The following MYADM variants were observed in gnomAD, a reference collection of about 807,000 sequenced individuals.
MYADM encodes the protein myeloid-associated differentiation marker.
For synonymous variants in MYADM, 224 were observed against 210.2 expected (o/e 1.07, Z -0.57); for missense variants, 416 against 443.4 (o/e 0.94, Z 0.56).
rs952383653 is a variant in MYADM at position 53,874,513 on chromosome 19, G to T, written c.*15G>T. 1 of 1,565,164 alleles carries T rather than the reference G, an allele frequency of 6.4e-7. No individual in the cohort carries two copies. Among genetic ancestry groups the T allele is most frequent in the Non-Finnish European group, 8.7e-7 (1 of 1,155,784 alleles). On this transcript the variant is annotated 3_prime_UTR_variant, in exon 3 of 3. Coordinates refer to ENST00000391770, the MANE Select transcript of MYADM (RefSeq NM_138373.5). ...TCAAGGTCTAAGACTCTCCCAAGAG[G>T]CTCCCGTTCCCTCTCCAACCTCTTT... is the stretch of plus-strand genomic sequence containing the variant.
At position 53,875,772 on chromosome 19, in the gene MYADM, C is replaced by T. The variant is rs1184640235; in HGVS notation, c.*1274C>T. On this transcript the variant is annotated 3_prime_UTR_variant, in exon 3 of 3. Coordinates refer to ENST00000391770, the MANE Select transcript of MYADM (RefSeq NM_138373.5). Reference sequence around the variant, plus strand: ...GACTGAGACAGGAGAATCCCTTCAACCCGGGAGGTGGAGGTTGCAGTAAGT... The same window carrying T: ...GACTGAGACAGGAGAATCCCTTCAATCCGGGAGGTGGAGGTTGCAGTAAGT... 3.2e-5 allele frequency: 5 copies of T among 156,284 alleles called. No homozygotes were observed. The highest frequency in any genetic ancestry group is 1.5e-5 in the Non-Finnish European group (1 of 68,050). 9.7% of individuals were successfully genotyped at this position (156,284 alleles called of 1,614,324 possible).
At chr19:53,867,779 G>T, upstream of MYADM, 1 of 152,762 alleles carries the variant, frequency 6.5e-6, no homozygotes. Context: ...CCCAGACTCG[G>T]GGAAGTCCCT....
chr19:53,871,067 C>A (rs1040620806), intron 2 of MYADM, among the ~76,000 whole-genome samples: 1 of 152,146 alleles, frequency 6.6e-6, no homozygotes, highest in Non-Finnish European at 1.5e-5. Context: ...CCCATCTCTA[C>A]TGAAAATACA....
chr19:53,871,991 A>G (rs1180223672), intron 2 of MYADM, among the ~76,000 whole-genome samples: 1 of 151,216 alleles, frequency 6.6e-6, no homozygotes. Flanking sequence ...CTCCACCTCT[A>G]GGGTTCAAGC....
chr19:53,873,461 A>G lies in MYADM; in HGVS notation c.-2-67A>G, dbSNP rs1267484245. Reference sequence around the variant, plus strand: ...TATTAATTTGTCCCTGGGGTAGGCAATGGCTAAGGGACCTGGATTCTTATG... The same window carrying G: ...TATTAATTTGTCCCTGGGGTAGGCAGTGGCTAAGGGACCTGGATTCTTATG... On this transcript the variant is annotated intron_variant, in intron 2 of 2. Transcript: ENST00000391770. This position sits in a 1 kb window ranked among gnomAD's most constrained non-coding sequence, Gnocchi z 4.3. 12 of 1,505,024 alleles carry G rather than the reference A, an allele frequency of 8.0e-6. No individual in the cohort carries two copies. Among genetic ancestry groups the G allele is most frequent in the Non-Finnish European group, 1.1e-5 (12 of 1,122,612 alleles). The allele number at this position is 1,505,024 out of a possible 1,614,324, so 93.2% of individuals were successfully genotyped here. A position where few individuals can be genotyped will look rare whatever the true frequency, so the allele number is the denominator to read the frequency against.
At chr19:53,870,643 G>C (rs1282636834) in intron 2 of MYADM, among the ~76,000 whole-genome samples, 1 of 152,196 alleles carries the variant, frequency 6.6e-6, no homozygotes, top group Non-Finnish European at 1.5e-5. Flanking sequence ...GTTAAGGCCT[G>C]TGCTACTGCC....
At position 53,874,051 on chromosome 19, in the gene MYADM, G is replaced by C. The variant is rs749546470; in HGVS notation, c.522G>C (p.Gly174=). The C allele has an allele frequency of 6.2e-7, 1 of 1,609,958 alleles. No homozygotes were observed. Among genetic ancestry groups the C allele is most frequent in the Non-Finnish European group, 8.5e-7 (1 of 1,180,014 alleles). ...CTGGCTATATGGCCACCGTACCCGG[G>C]CTGCTGAAGGTGCTGGAGACCTTCG... is the stretch of plus-strand genomic sequence containing the variant. ...EITGYMATVP[G]LLKVLETFVA... The change falls in exon 3 of 3, where the codon GGG becomes GGC. Residue 174 remains glycine (G), a synonymous_variant. Coordinates refer to ENST00000391770, the MANE Select transcript of MYADM (RefSeq NM_138373.5).
rs780357518 is a variant in MYADM at position 53,874,011 on chromosome 19, G to A, written c.482G>A (p.Arg161Gln). Residue 161 changes from arginine (R) to glutamine (Q), a missense_variant, in exon 3 of 3, where the codon CGG becomes CAG. By Grantham distance (43) the Arg-to-Gln change is conservative. Coordinates refer to ENST00000391770, the MANE Select transcript of MYADM (RefSeq NM_138373.5). ...ACCGAAGTGGCCTGGACCCGGGCCC[G>A]GCCCGGCGAGATCACTGGCTATATG... ...YATEVAWTRA[R>Q]PGEITGYMAT... The A allele has an allele frequency of 1.7e-5, 27 of 1,608,258 alleles. No homozygotes were observed. In the South Asian group the frequency reaches 2.4e-4, roughly 14 times the overall value.
Position 53,874,141 on chromosome 19 carries a change from G to A in MYADM, c.612G>A (p.Glu204=). The change falls in exon 3 of 3, where the codon GAG becomes GAA. Residue 204 remains glutamate (E), a synonymous_variant. Transcript: ENST00000391770. ...TGTACCAGCACCAGCCGGCCCTGGA[G>A]TGGTGCGTGGCGGTGTACGCCATCT... ...PNLYQHQPAL[E]WCVAVYAICF... The A allele has an allele frequency of 6.2e-7, 1 of 1,613,600 alleles. No homozygotes were observed. Among genetic ancestry groups the A allele is most frequent in the Non-Finnish European group, 8.5e-7 (1 of 1,180,042 alleles).
chr19:53,870,248 G>A (rs2068349763), intron 2 of MYADM, among the ~76,000 whole-genome samples: 1 of 98,060 alleles, frequency 1.0e-5, no homozygotes, highest in African/African-American at 5.1e-5. Context: ...CTGGGTCCGA[G>A]GGAGGAGGGG....
Position 53,874,680 on chromosome 19 carries a change from C to T in MYADM, c.*182C>T, listed in dbSNP as rs2068486603. The T allele has an allele frequency of 3.1e-5, 17 of 550,058 alleles. No homozygotes were observed. The highest frequency in any genetic ancestry group is 4.1e-5 in the South Asian group (1 of 24,284). 34.1% of individuals were successfully genotyped at this position (550,058 alleles called of 1,614,324 possible). A position where few individuals can be genotyped will look rare whatever the true frequency, so the allele number is the denominator to read the frequency against. ...TCTAACCAGTTCTTGGATGCATCTT[C>T]TTCCTTCCCTTTCCTCTTGCTGTTT... On this transcript the variant is annotated 3_prime_UTR_variant, in exon 3 of 3. Coordinates refer to ENST00000391770, the MANE Select transcript of MYADM (RefSeq NM_138373.5).
rs764639876 is a variant in MYADM at position 53,873,934 on chromosome 19, C to T, written c.405C>T (p.Asp135=). 3 of 1,611,658 alleles carry T rather than the reference C, an allele frequency of 1.9e-6. No homozygotes were observed. Among genetic ancestry groups the T allele is most frequent in the Non-Finnish European group, 2.5e-6 (3 of 1,180,024 alleles). The change falls in exon 3 of 3, where the codon GAC becomes GAT. Residue 135 remains aspartate (D), a synonymous_variant. Coordinates refer to ENST00000391770, the MANE Select transcript of MYADM (RefSeq NM_138373.5). The surrounding 1 kb of genome is among the most constrained non-coding windows in gnomAD (Gnocchi z 4.3). ...VQFLSHGRSR[D]HAIAATFFSC... is the part of the protein sequence containing the mutation. ...TCCTGTCCCACGGCCGTTCGCGGGA[C>T]CACGCCATCGCCGCCACCTTCTTCT...
chr19:53,873,362 ACT>A lies in MYADM; in HGVS notation c.-2-163_-2-162del, dbSNP rs2068432042. On this transcript the variant is annotated intron_variant, in intron 2 of 2. Coordinates refer to ENST00000391770, the MANE Select transcript of MYADM (RefSeq NM_138373.5). This position sits in a 1 kb window ranked among gnomAD's most constrained non-coding sequence, Gnocchi z 4.3. ...ACTCCAGCCTGGGCCACAGAGCAAG[ACT>A]CTGTCTCAAAAAAAAAAAAAGAAAA... Among the ~76,000 whole-genome samples the A allele has an allele frequency of 6.8e-6, 1 of 147,872 alleles. No homozygotes were observed. Among genetic ancestry groups the A allele is most frequent in the Non-Finnish European group, 1.5e-5 (1 of 67,476 alleles).
rs4023843 is a variant in MYADM, at chr19:53,876,261, G to GATATATATATATATATATAT, written c.*1765_*1784dup. ...TGTCTGGGACTCACATACATAACGT[G>GATATATATATATATATATAT]ATATATATATATATATATATAAATG... On this transcript the variant is annotated 3_prime_UTR_variant, in exon 3 of 3. Coordinates refer to ENST00000391770, the MANE Select transcript of MYADM (RefSeq NM_138373.5). 2 of 149,778 alleles carry GATATATATATATATATATAT rather than the reference G, an allele frequency of 1.3e-5. No individual in the cohort carries two copies. Among genetic ancestry groups the GATATATATATATATATATAT allele is most frequent in the African/African-American group, 5.1e-5 (2 of 39,134 alleles). The allele number at this position is 149,778 out of a possible 1,614,324, so 9.3% of individuals were successfully genotyped here. A position where few individuals can be genotyped will look rare whatever the true frequency, so the allele number is the denominator to read the frequency against.
chr19:53,875,064 T>TC lies in MYADM; in HGVS notation c.*568dup, dbSNP rs921000121. On this transcript the variant is annotated 3_prime_UTR_variant, in exon 3 of 3. Coordinates refer to ENST00000391770, the MANE Select transcript of MYADM (RefSeq NM_138373.5). ...TTGGGAGCCCTGAGACTTCTTTCTC[T>TC]CCTTGCCTCCACCCACCTCCAAAGG... 12 of 167,228 alleles carry TC rather than the reference T, an allele frequency of 7.2e-5. No homozygotes were observed. The highest frequency in any genetic ancestry group is 2.4e-4 in the African/African-American group (10 of 41,424). The allele number at this position is 167,228 out of a possible 1,614,324, so 10.4% of individuals were successfully genotyped here. A position where few individuals can be genotyped will look rare whatever the true frequency, so the allele number is the denominator to read the frequency against.
upstream of MYADM, chr19:53,866,165 C>T (rs2068242121): frequency 6.5e-6 from 1 of 152,750 alleles, no homozygotes; most frequent in Non-Finnish European, 1.5e-5. This position sits in a 1 kb window ranked among gnomAD's most constrained non-coding sequence, Gnocchi z 4.3. Flanking sequence ...GGCACGTAGA[C>T]CCGGATCCCC....
rs1170211488 is a variant in MYADM at position 53,874,119 on chromosome 19, A to G, written c.590A>G (p.Tyr197Cys). ...IFAFISDPNL[Y>C]QHQPALEWCV... Reference sequence around the variant, plus strand: ...GCGTTCATCAGCGACCCCAACCTGTACCAGCACCAGCCGGCCCTGGAGTGG... The same window carrying G: ...GCGTTCATCAGCGACCCCAACCTGTGCCAGCACCAGCCGGCCCTGGAGTGG... The change falls in exon 3 of 3, where the codon TAC becomes TGC. Residue 197 changes from tyrosine to cysteine, a missense_variant. Coordinates refer to ENST00000391770, the MANE Select transcript of MYADM (RefSeq NM_138373.5). 3.1e-6 allele frequency: 5 copies of G among 1,613,056 alleles called. No individual in the cohort carries two copies. Among genetic ancestry groups the G allele is most frequent in the Non-Finnish European group, 4.2e-6 (5 of 1,180,018 alleles).
chr19:53,873,796 G>T lies in MYADM; in HGVS notation c.267G>T (p.Gly89=), dbSNP rs1244919336. The change falls in exon 3 of 3, where the codon GGG becomes GGT. Residue 89 remains glycine (G), a synonymous_variant. Transcript: ENST00000391770. This position sits in a 1 kb window ranked among gnomAD's most constrained non-coding sequence, Gnocchi z 4.3. ...TCATCCTCATCGTGGAGCTGTGCGG[G>T]CTCCAGGCCCGCTTCCCCCTGTCTT... ...TLIILIVELC[G]LQARFPLSWR... The T allele has an allele frequency of 1.2e-6, 2 of 1,613,638 alleles. No homozygotes were observed. The highest frequency in any genetic ancestry group is 1.1e-5 in the South Asian group (1 of 91,088).
rs1568741422 is a variant in MYADM, at chr19:53,875,234, G to GTGTGTGTGT, written c.*736_*737insTGTGTGTGT. On this transcript the variant is annotated 3_prime_UTR_variant, in exon 3 of 3. Coordinates refer to ENST00000391770, the MANE Select transcript of MYADM (RefSeq NM_138373.5). ...TGTGTGTGTGTGTGTGTGTGTGTTT[G>GTGTGTGTGT]GGGGGTGGGGGGTGGGTAGCTGGGG... The GTGTGTGTGT allele has an allele frequency of 6.1e-5, 9 of 147,830 alleles. No homozygotes were observed. The highest frequency in any genetic ancestry group is 2.4e-4 in the African/African-American group (9 of 36,858). The allele number at this position is 147,830 out of a possible 1,614,324, so 9.2% of individuals were successfully genotyped here.
Sources: allele counts gnomAD v4.1 joint callset (sites outside exome capture counted in the v4.1 genomes callset), GRCh38; gene constraint gnomAD v4.1.1; non-coding constraint Gnocchi (gnomAD v3.1); transcripts MANE v1.5; gene names NCBI Gene and HGNC (gene_info 2026-07-23, HGNC 2026-07-21).